The following HPSE2 variants were observed in gnomAD, a reference collection of about 807,000 sequenced individuals.
HPSE2 encodes heparanase 2 (inactive).
HPSE2 carries 38 observed loss-of-function variants against 60.5 expected under a neutral mutation model. That is an observed-to-expected ratio of 0.63 (90% CI 0.48 to 0.82). The LOEUF (loss-of-function observed/expected upper bound fraction) is 0.82, where lower values mean the gene tolerates loss of function less well. Among genes scored for constraint, HPSE2 ranks in the 40% least tolerant of loss-of-function variants. The probability of loss-of-function intolerance (pLI) is 0.00; values close to 1 mark genes in which losing one functional copy is unlikely to be tolerated. For missense variants in HPSE2, 713 were observed against 740.4 expected, an observed-to-expected ratio of 0.96 and a Z score of 0.43; for synonymous variants, 295 against 293.2, an observed-to-expected ratio of 1.01 and a Z score of -0.06.
chr10:98,722,709 A>G (rs576028675), intron 4 of HPSE2, among the ~76,000 whole-genome samples: 1 of 152,302 alleles, frequency 6.6e-6, no homozygotes, highest in South Asian at 2.1e-4. Flanking sequence ...AAATTCCCTG[A>G]AACGAGCAGC....
intron 2 of HPSE2, among the ~76,000 whole-genome samples, chr10:99,199,204 T>C (rs1335111243): frequency 2.0e-5 from 3 of 152,124 alleles, no homozygotes; most frequent in Non-Finnish European, 4.4e-5. Context: ...AATGAGAGGA[T>C]TTCTGGATCA....
chr10:98,718,261 C>T (rs1404460167), intron 5 of HPSE2, among the ~76,000 whole-genome samples: 1 of 152,106 alleles, frequency 6.6e-6, no homozygotes, highest in East Asian at 1.9e-4. Flanking sequence ...ATAAAATAGG[C>T]ACTTTATTAA....
At chr10:99,004,811 T>C (rs1225498752) in intron 3 of HPSE2, among the ~76,000 whole-genome samples, 2 of 152,208 alleles carry the variant, frequency 1.3e-5, no homozygotes, top group Non-Finnish European at 2.9e-5. Flanking sequence ...ACCTTTAGTA[T>C]GTTGTATAAG....
intron 3 of HPSE2, among the ~76,000 whole-genome samples, chr10:99,054,742 G>C (rs574746759): frequency 6.6e-6 from 1 of 152,094 alleles, no homozygotes; most frequent in Non-Finnish European, 1.5e-5. Flanking sequence ...ACGGAGTCTC[G>C]CACTGTGGCC....
At chr10:98,832,533 T>C (rs1034015188) in intron 3 of HPSE2, among the ~76,000 whole-genome samples, 7 of 152,176 alleles carry the variant, frequency 4.6e-5, no homozygotes, top group African/African-American at 1.2e-4. Flanking sequence ...GTTTAGATAA[T>C]TGTCATGAGA....
chr10:98,919,842 T>C (rs1263678661), intron 3 of HPSE2, among the ~76,000 whole-genome samples: 1 of 152,198 alleles, frequency 6.6e-6, no homozygotes, highest in Non-Finnish European at 1.5e-5. Flanking sequence ...GCTTTGATAC[T>C]ACAGTATTTA....
intron 3 of HPSE2, among the ~76,000 whole-genome samples, chr10:98,796,207 G>A (rs1407830080): frequency 6.6e-6 from 1 of 152,228 alleles, no homozygotes; most frequent in Non-Finnish European, 1.5e-5. Flanking sequence ...GAGGTAAAGC[G>A]ACAAGCAGTT....
At position 98,937,392 on chromosome 10, in the gene HPSE2, G is replaced by A. The variant is rs183976512; in HGVS notation, c.611-193336C>T. ...CGGGTCACTCCCACCCTAATACTGC[G>A]CTTTTCCGACAGGCTTAAAAAACGG... On this transcript the variant is annotated intron_variant, in intron 3 of 11. Coordinates refer to ENST00000370552, the MANE Select transcript of HPSE2 (RefSeq NM_021828.5). Among the ~76,000 whole-genome samples the A allele has an allele frequency of 3.8e-3, 553 of 144,518 alleles. 117 individuals are homozygous for A. The highest frequency in any genetic ancestry group is 0.015 in the African/African-American group (521 of 35,784). 94.8% of individuals were successfully genotyped at this position (144,518 alleles called of 152,430 possible). A position where few individuals can be genotyped will look rare whatever the true frequency, so the allele number is the denominator to read the frequency against.
intron 9 of HPSE2, among the ~76,000 whole-genome samples, chr10:98,525,507 C>T (rs1942938916): frequency 2.0e-5 from 3 of 152,202 alleles, no homozygotes; most frequent in Non-Finnish European, 4.4e-5. Context: ...CTAAGGGAGC[C>T]CCACAGTGGC....
At chr10:98,637,420 T>C (rs1565037651) in intron 7 of HPSE2, among the ~76,000 whole-genome samples, 1 of 152,126 alleles carries the variant, frequency 6.6e-6, no homozygotes, top group Admixed American at 6.5e-5. Flanking sequence ...ATAGCTATAA[T>C]AACTATAACA....
At chr10:99,034,834 C>T (rs1224422264) in intron 3 of HPSE2, among the ~76,000 whole-genome samples, 2 of 152,094 alleles carry the variant, frequency 1.3e-5, no homozygotes, top group Non-Finnish European at 2.9e-5. Context: ...ATAGGCAATT[C>T]TAACACATGG....
chr10:99,043,284 A>G (rs896839505), intron 3 of HPSE2, among the ~76,000 whole-genome samples: 2 of 152,146 alleles, frequency 1.3e-5, no homozygotes, highest in East Asian at 3.9e-4. Context: ...GGAGATCGAG[A>G]CCATCCTGGC....
At chr10:98,559,751 G>C (rs1352749451) in intron 9 of HPSE2, among the ~76,000 whole-genome samples, 1 of 152,212 alleles carries the variant, frequency 6.6e-6, no homozygotes, top group Non-Finnish European at 1.5e-5. Flanking sequence ...TCACTATACA[G>C]ATAAAGCATT....
At chr10:99,119,257 T>TA (rs955917135) in intron 3 of HPSE2, among the ~76,000 whole-genome samples, 6 of 151,850 alleles carry the variant, frequency 4.0e-5, no homozygotes, top group African/African-American at 1.5e-4. Flanking sequence ...AGTCTCAAGA[T>TA]AAAAAATCAA....
chr10:99,247,900 A>C, the HPSE2 span, among the ~76,000 whole-genome samples: 1 of 152,210 alleles, frequency 6.6e-6, no homozygotes, highest in Non-Finnish European at 1.5e-5. Context: ...CCCAGGCTCC[A>C]GCCATGTAAG....
chr10:98,722,062 C>T (rs564566832), intron 4 of HPSE2, among the ~76,000 whole-genome samples: 6 of 151,412 alleles, frequency 4.0e-5, no homozygotes, highest in South Asian at 4.2e-4. Context: ...TAATCAACAC[C>T]GGAGACCATA....
chr10:98,871,913 T>C (rs754349025), intron 3 of HPSE2, among the ~76,000 whole-genome samples: 2 of 152,226 alleles, frequency 1.3e-5, no homozygotes, highest in South Asian at 2.1e-4. Flanking sequence ...TAGGAAAGCA[T>C]TGAAAATACA....
the HPSE2 span, among the ~76,000 whole-genome samples, chr10:99,311,581 G>A: frequency 2.6e-5 from 4 of 152,088 alleles, no homozygotes; most frequent in African/African-American, 4.8e-5. Context: ...TTCTGACTGC[G>A]CCTCTGACTG....
intron 6 of HPSE2, among the ~76,000 whole-genome samples, chr10:98,672,520 C>T (rs1947532869): frequency 6.6e-6 from 1 of 152,118 alleles, no homozygotes; most frequent in African/African-American, 2.4e-5. Context: ...TGGGCACAGA[C>T]ATGTAATATA....
Sources: gnomAD v4.1 joint callset for allele counts (sites outside exome capture counted in the v4.1 genomes callset) on GRCh38, gnomAD v4.1.1 for gene constraint, MANE v1.5 for transcripts, NCBI Gene and HGNC (gene_info 2026-07-23, HGNC 2026-07-21) for gene names.